Variants in CPXM2 observed in about 807,000 individuals in gnomAD.
CPXM2 encodes the protein carboxypeptidase X, M14 family member 2.
A neutral mutation model predicts 86.1 loss-of-function variants in CPXM2; 66 were observed. That is an observed-to-expected ratio of 0.77 (90% confidence interval 0.63 to 0.94). The LOEUF is 0.94. CPXM2 is among the 40% of genes least tolerant of loss of function. The pLI, the probability that CPXM2 is intolerant of heterozygous loss-of-function variation, is 0.00. For synonymous variants in CPXM2, 388 were observed against 400.2 expected (o/e 0.97, Z 0.36); for missense variants, 948 against 1,026.3 (o/e 0.92, Z 1.04).
chr10:123,777,106 C>G (rs1188656743), intron 7 of CPXM2: 1 of 152,248 alleles, frequency 6.6e-6, no homozygotes, highest in Non-Finnish European at 1.5e-5. Context: ...GCTTCCTGTC[C>G]CCACAGGGTC....
At chr10:123,892,809 C>T (rs1200146611), upstream of CPXM2, among the ~76,000 whole-genome samples, 1 of 152,206 alleles carries the variant, frequency 6.6e-6, no homozygotes, top group Admixed American at 6.5e-5. Flanking sequence ...AGTTCACTCG[C>T]TGGCTGTGGG....
At chr10:123,810,934 T>C (rs547456317) in intron 4 of CPXM2, among the ~76,000 whole-genome samples, 2 of 152,212 alleles carry the variant, frequency 1.3e-5, no homozygotes, top group Non-Finnish European at 1.5e-5. Flanking sequence ...GATAATGGTG[T>C]ATGAATAGAC....
intron 4 of CPXM2, among the ~76,000 whole-genome samples, chr10:123,833,873 G>A (rs963896937): frequency 1.3e-5 from 2 of 152,024 alleles, no homozygotes; most frequent in Non-Finnish European, 2.9e-5. Flanking sequence ...GACCCTCTAC[G>A]AAAGGGAAGG....
intron 13 of CPXM2, chr10:123,751,009 G>GT (rs1179581963): frequency 7.1e-6 from 7 of 985,318 alleles, no homozygotes; most frequent in Admixed American, 6.1e-5. Flanking sequence ...TGTGTTCAGG[G>GT]TGAACCTTCT....
At chr10:123,798,250 AAAG>A (rs2134067632) in intron 5 of CPXM2, 124 bp from the exon 6 acceptor site, 2 of 738,062 alleles carry the variant, frequency 2.7e-6, no homozygotes, top group African/African-American at 3.0e-5. Flanking sequence ...TGTGCATTGA[AAAG>A]AAAAAAAAAA....
intron 3 of CPXM2, among the ~76,000 whole-genome samples, chr10:123,860,564 G>A (rs1162282639): frequency 6.6e-6 from 1 of 152,240 alleles, no homozygotes; most frequent in African/African-American, 2.4e-5. Flanking sequence ...ACAAATAAAT[G>A]TGAACACTTT....
intron 4 of CPXM2, among the ~76,000 whole-genome samples, chr10:123,800,723 A>G (rs1847438918): frequency 6.6e-6 from 1 of 152,100 alleles, no homozygotes; most frequent in Admixed American, 6.6e-5. Flanking sequence ...AAGTTCTCCA[A>G]AGAAAAAGGA....
intron 12 of CPXM2, among the ~76,000 whole-genome samples, chr10:123,755,702 T>C (rs1846190102): frequency 6.6e-6 from 1 of 152,206 alleles, no homozygotes; most frequent in Non-Finnish European, 1.5e-5. Flanking sequence ...TGTCATGCGA[T>C]GCACTCAAAC....
chr10:123,937,575 T>C (rs1418981450), intron 2 of CPXM2, among the ~76,000 whole-genome samples: 1 of 152,004 alleles, frequency 6.6e-6, no homozygotes, highest in Non-Finnish European at 1.5e-5. Context: ...TATCTCTTTG[T>C]TCACTTCCAG....
Position 123,862,658 on chromosome 10 carries a change from T to C in CPXM2, c.469A>G (p.Lys157Glu). Residue 157 changes from lysine (K) to glutamate (E), a missense_variant, in exon 3 of 14, where the codon AAG becomes GAG. Physicochemically the swap from Lys to Glu is moderately conservative, Grantham distance 56 (BLOSUM62 1). Transcript: ENST00000241305. ...TDFQLHASTVKRYGLGAHRGR... is the reference protein window; with the variant it reads ...TDFQLHASTVERYGLGAHRGR... ...CGATGTGCCCCCAGGCCATAGCGCT[T>C]CACCGTGGAGGCATGGAGCTGGAAG... is the stretch of plus-strand genomic sequence containing the variant. The C allele has an allele frequency of 6.2e-7, 1 of 1,614,184 alleles. No individual in the cohort carries two copies. The highest frequency in any genetic ancestry group is 8.5e-7 in the Non-Finnish European group (1 of 1,180,036).
intron 2 of CPXM2, among the ~76,000 whole-genome samples, chr10:123,898,464 CA>C (rs565813292): frequency 4.2e-5 from 6 of 142,512 alleles, no homozygotes; most frequent in African/African-American, 7.7e-5. Context: ...GACCTTATCT[CA>C]AAAAAATATA....
At chr10:123,926,117 C>T (rs1945620077) in intron 2 of CPXM2, among the ~76,000 whole-genome samples, 1 of 152,212 alleles carries the variant, frequency 6.6e-6, no homozygotes, top group Non-Finnish European at 1.5e-5. Context: ...GGCCAGAGGG[C>T]CAGCACCAAA....
chr10:123,797,934 C>G (rs1847369065), intron 6 of CPXM2, 42 bp downstream of exon 6: 2 of 1,492,624 alleles, frequency 1.3e-6, no homozygotes, highest in South Asian at 2.9e-5. Context: ...TGTTTTCCAT[C>G]AGTGCTCCCA....
intron 4 of CPXM2, among the ~76,000 whole-genome samples, chr10:123,838,923 G>T (rs1848329279): frequency 6.6e-6 from 1 of 152,234 alleles, no homozygotes; most frequent in Non-Finnish European, 1.5e-5. Context: ...TGAGGGAGAA[G>T]AGGGGAGGAC....
At chr10:123,859,894 C>A (rs1848816754) in intron 3 of CPXM2, among the ~76,000 whole-genome samples, 1 of 152,134 alleles carries the variant, frequency 6.6e-6, no homozygotes, top group Non-Finnish European at 1.5e-5. Context: ...CCGGCTGCTC[C>A]CTGCTGGACG....
rs765035229 is a variant in CPXM2, at chr10:123,780,240, T to C, written c.905A>G (p.Tyr302Cys). 1 of 1,603,452 alleles carries C rather than the reference T, an allele frequency of 6.2e-7. No homozygotes were observed. ...GCPLPDPNNY[Y>C]HRRNEMTTTD... The stretch of plus-strand genomic sequence containing the variant: ...GGTGGTCATCTCGTTCCGGCGGTGA[T>C]AATAATTATTAGGATCTAGGGACAG... The change falls in exon 7 of 14, where the codon TAT becomes TGT. Residue 302 changes from tyrosine to cysteine, a missense_variant. Transcript: ENST00000241305.
intron 2 of CPXM2, among the ~76,000 whole-genome samples, chr10:123,938,423 T>C (rs974852269): frequency 5.3e-5 from 8 of 152,236 alleles, no homozygotes; most frequent in Admixed American, 4.6e-4. Context: ...AATCTCCTGA[T>C]CATGAGATGG....
intron 4 of CPXM2, among the ~76,000 whole-genome samples, chr10:123,811,935 C>T (rs1847703937): frequency 1.3e-5 from 2 of 152,090 alleles, no homozygotes; most frequent in South Asian, 4.1e-4. Context: ...AATAGCAATG[C>T]CAAATGTTGG....
At chr10:123,851,419 C>T (rs1459997910) in intron 3 of CPXM2, among the ~76,000 whole-genome samples, 1 of 152,220 alleles carries the variant, frequency 6.6e-6, no homozygotes, top group Non-Finnish European at 1.5e-5. Context: ...TGTTCCCCCT[C>T]TCCAAAATAG....
Sources: allele counts gnomAD v4.1 joint callset (sites outside exome capture counted in the v4.1 genomes callset), GRCh38; gene constraint gnomAD v4.1.1; transcripts MANE v1.5; gene names NCBI Gene and HGNC (gene_info 2026-07-23, HGNC 2026-07-21).